Variants in ONECUT1 observed in about 807,000 individuals in gnomAD.
ONECUT1 encodes one cut homeobox 1, also known as hepatocyte nuclear factor 6.
Under a neutral mutation model 25.6 loss-of-function variants are expected in ONECUT1, and 12 were observed. That is an observed-to-expected ratio of 0.47 (90% CI 0.30 to 0.76). The LOEUF (loss-of-function observed/expected upper bound fraction) is 0.76. ONECUT1 is among the 30% of genes least tolerant of loss of function. The pLI, the probability that ONECUT1 is intolerant of heterozygous loss-of-function variation, is 0.07. For synonymous variants in ONECUT1, 285 were observed against 270.2 expected (o/e 1.05, Z -0.54); for missense variants, 620 against 651.2 (o/e 0.95, Z 0.52).
In ONECUT1 at chr15:52,789,623, T is replaced by G; in HGVS notation, c.262A>C (p.Thr88Pro). Residue 88 changes from threonine to proline, a missense_variant, in exon 1 of 2, where the codon ACC becomes CCC. Coordinates refer to ENST00000305901, the MANE Select transcript of ONECUT1 (RefSeq NM_004498.4). The surrounding 1 kb of genome is among the most constrained non-coding windows in gnomAD (Gnocchi z 4.1). ...CCTGGGGGAGTCTCGCAGGCCATGGTCATGGTGGGATGCAGGGGGCCGGCC... is the reference window on the plus strand; with the variant it reads ...CCTGGGGGAGTCTCGCAGGCCATGGGCATGGTGGGATGCAGGGGGCCGGCC... ...SLAGPLHPTM[T>P]MACETPPGMS... The G allele has an allele frequency of 6.4e-7, 1 of 1,561,906 alleles. No individual in the cohort carries two copies. Among genetic ancestry groups the G allele is most frequent in the Non-Finnish European group, 8.7e-7 (1 of 1,152,672 alleles).
In ONECUT1 at chr15:52,755,818, C is replaced by A. The variant is rs1028221868; in HGVS notation, c.*1737G>T. On this transcript the variant is annotated 3_prime_UTR_variant, in exon 2 of 2. Transcript: ENST00000305901. ...TCCACTTAGATAAGTTACAGTCCAA[C>A]TGAATTCAGAGAGAATTTTTCTGGG... 3.3e-5 allele frequency among the ~76,000 whole-genome samples: 5 copies of A among 152,282 alleles called. No homozygotes were observed. The highest frequency in any genetic ancestry group is 1.2e-4 in the African/African-American group (5 of 41,558).
Position 52,788,692 on chromosome 15 carries a change from C to T in ONECUT1, c.1105+88G>A, listed in dbSNP as rs1395394692. The T allele has an allele frequency of 7.0e-7, 1 of 1,427,064 alleles. No individual in the cohort carries two copies. Among genetic ancestry groups the T allele is most frequent in the South Asian group, 1.3e-5 (1 of 77,234 alleles). The allele number at this position is 1,427,064 out of a possible 1,614,324, so 88.4% of individuals were successfully genotyped here. On this transcript the variant is annotated intron_variant, in intron 1 of 1. Transcript: ENST00000305901. This position sits in a 1 kb window ranked among gnomAD's most constrained non-coding sequence, Gnocchi z 4.3. ...TAGGGGCGGGCGGGATGAAGCGCAC[C>T]CAGCCCTCTCTCCTACCCTTCCTCC... is the stretch of plus-strand genomic sequence containing the variant.
chr15:52,780,928 T>C lies in ONECUT1; in HGVS notation c.1105+7852A>G, dbSNP rs529916812. ...AGGAAGATGAGAAACACATGGTGAC[T>C]GGAAACATGCAGTGTTTGACAGAAA... On this transcript the variant is annotated intron_variant, in intron 1 of 1. Transcript: ENST00000305901. The C allele has an allele frequency of 3.2e-6, 4 of 1,250,690 alleles. No individual in the cohort carries two copies. In the South Asian group the frequency reaches 1.0e-4, roughly 31 times the overall value. 77.5% of individuals were successfully genotyped at this position (1,250,690 alleles called of 1,614,324 possible).
At chr15:52,776,451 A>G (rs557317050) in intron 1 of ONECUT1, among the ~76,000 whole-genome samples, 20 of 152,272 alleles carry the variant, frequency 1.3e-4, no homozygotes, top group African/African-American at 4.8e-4. Flanking sequence ...TTTGCTGACA[A>G]TGACATATAA....
chr15:52,789,693 G>A lies in ONECUT1; in HGVS notation c.192C>T (p.Gly64=), dbSNP rs748705076. The change falls in exon 1 of 2, where the codon GGC becomes GGT. Residue 64 remains glycine, a synonymous_variant. Coordinates refer to ENST00000305901, the MANE Select transcript of ONECUT1 (RefSeq NM_004498.4). The surrounding 1 kb of genome is among the most constrained non-coding windows in gnomAD (Gnocchi z 4.1). ...GGTGGTGGTGGTGGTAATCTCCGCC[G>A]CCGCTGCCGCCGTCCAGCAGGGACG... ...GMASLLDGGS[G]GGDYHHHHRA... The A allele has an allele frequency of 5.4e-6, 8 of 1,494,166 alleles. No homozygotes were observed. Among genetic ancestry groups the A allele is most frequent in the South Asian group, 1.4e-5 (1 of 73,980 alleles). The allele number at this position is 1,494,166 out of a possible 1,614,324, so 92.6% of individuals were successfully genotyped here. A position where few individuals can be genotyped will look rare whatever the true frequency, so the allele number is the denominator to read the frequency against.
At chr15:52,780,461 G>T in intron 1 of ONECUT1, 2 of 805,664 alleles carry the variant, frequency 2.5e-6, no homozygotes, top group South Asian at 2.0e-5. Context: ...CTTTCTTTCT[G>T]AGTCCTTAGT....
At position 52,788,989 on chromosome 15, in the gene ONECUT1, T is replaced by C. The variant is rs1196218167; in HGVS notation, c.896A>G (p.Gln299Arg). 1.9e-6 allele frequency: 3 copies of C among 1,611,868 alleles called. No individual in the cohort carries two copies. The highest frequency in any genetic ancestry group is 2.5e-6 in the Non-Finnish European group (3 of 1,180,024). The part of the protein sequence containing the change: ...MEEINTKEVA[Q>R]RITTELKRYS... The stretch of plus-strand genomic sequence containing the variant: ...GCGCTTGAGCTCGGTGGTGATACGC[T>C]GCGCCACCTCTTTGGTATTGATCTC... The change falls in exon 1 of 2, where the codon CAG becomes CGG. Residue 299 changes from glutamine to arginine, a missense_variant. Around this residue, in one of 4 missense-constraint regions of ONECUT1, gnomAD observed 146 missense variants for 201.8 expected, o/e 0.72. Coordinates refer to ENST00000305901, the MANE Select transcript of ONECUT1 (RefSeq NM_004498.4). The surrounding 1 kb of genome is among the most constrained non-coding windows in gnomAD (Gnocchi z 4.3).
chr15:52,786,141 C>T (rs2083873608), intron 1 of ONECUT1, among the ~76,000 whole-genome samples: 2 of 152,226 alleles, frequency 1.3e-5, no homozygotes, highest in South Asian at 4.1e-4. Context: ...GGCCAAGGCG[C>T]TCTGCAATCC....
intron 1 of ONECUT1, among the ~76,000 whole-genome samples, chr15:52,775,845 T>C (rs1384125626): frequency 6.6e-6 from 1 of 152,232 alleles, no homozygotes; most frequent in Non-Finnish European, 1.5e-5. Flanking sequence ...ACCAAGACTT[T>C]CCAACATTTG....
At chr15:52,777,677 T>G (rs17543338) in intron 1 of ONECUT1, among the ~76,000 whole-genome samples, 13,604 of 140,954 alleles carry the variant, frequency 0.097, 726 homozygotes, top group Non-Finnish European at 0.12. Flanking sequence ...CATCACACCT[T>G]AAACTCCTCC....
At chr15:52,778,854 G>A (rs2083821085) in intron 1 of ONECUT1, among the ~76,000 whole-genome samples, 1 of 152,186 alleles carries the variant, frequency 6.6e-6, no homozygotes, top group African/African-American at 2.4e-5. Flanking sequence ...ACACCTGGAA[G>A]GGACCCTAAA....
chr15:52,761,497 C>G (rs150835033), intron 1 of ONECUT1, among the ~76,000 whole-genome samples: 1 of 152,090 alleles, frequency 6.6e-6, no homozygotes, highest in Admixed American at 6.5e-5. Flanking sequence ...ATGGTGAAAC[C>G]CTGTCTCTAC....
chr15:52,761,106 A>T (rs1274571077), intron 1 of ONECUT1, among the ~76,000 whole-genome samples: 4 of 151,942 alleles, frequency 2.6e-5, no homozygotes, highest in Non-Finnish European at 4.4e-5. Flanking sequence ...GGAGAGTGGA[A>T]ATGTGTTGGT....
intron 1 of ONECUT1, among the ~76,000 whole-genome samples, chr15:52,772,519 A>G (rs1407267360): frequency 6.6e-6 from 1 of 152,154 alleles, no homozygotes; most frequent in African/African-American, 2.4e-5. Context: ...AGATCAGAGT[A>G]ATGGCTGTGA....
chr15:52,777,913 A>G (rs1448244924), intron 1 of ONECUT1, among the ~76,000 whole-genome samples: 1 of 152,054 alleles, frequency 6.6e-6, no homozygotes, highest in Non-Finnish European at 1.5e-5. Flanking sequence ...TCTTTTACTT[A>G]TTTTATCCTC....
At position 52,757,338 on chromosome 15, in the gene ONECUT1, A is replaced by T. The variant is rs1270732598; in HGVS notation, c.*217T>A. ...ATCCAGTGGTGTTTTCCTGCTCATC[A>T]TTTGTCTTGCCAAGTCGCCGCCCTG... On this transcript the variant is annotated 3_prime_UTR_variant, in exon 2 of 2. Transcript: ENST00000305901. 13 of 540,720 alleles carry T rather than the reference A, an allele frequency of 2.4e-5. No homozygotes were observed. In the East Asian group the frequency reaches 4.1e-4, roughly 17 times the overall value. 33.5% of individuals were successfully genotyped at this position (540,720 alleles called of 1,614,324 possible). A position where few individuals can be genotyped will look rare whatever the true frequency, so the allele number is the denominator to read the frequency against.
In ONECUT1 at chr15:52,784,122, C is replaced by A. The variant is rs1490166107; in HGVS notation, c.1105+4658G>T. On this transcript the variant is annotated intron_variant, in intron 1 of 1. Transcript: ENST00000305901. This position sits in a 1 kb window ranked among gnomAD's most constrained non-coding sequence, Gnocchi z 5.0. ...GCGCCGCAGCCGCAGCACAGCCCGGCTACCCCCAGAAAGGGAGCCGAATGG... is the reference window on the plus strand; with the variant it reads ...GCGCCGCAGCCGCAGCACAGCCCGGATACCCCCAGAAAGGGAGCCGAATGG... Among the ~76,000 whole-genome samples the A allele has an allele frequency of 6.6e-6, 1 of 152,154 alleles. No individual in the cohort carries two copies. Among genetic ancestry groups the A allele is most frequent in the Non-Finnish European group, 1.5e-5 (1 of 68,018 alleles).
intron 1 of ONECUT1, among the ~76,000 whole-genome samples, chr15:52,776,309 C>T (rs1899750): frequency 0.61 from 93,454 of 151,986 alleles, 28,761 homozygotes; most frequent in East Asian, 0.66. Flanking sequence ...CACTCTGCAG[C>T]TAAAGGTATA....
chr15:52,768,985 C>G (rs937717953), intron 1 of ONECUT1, among the ~76,000 whole-genome samples: 1 of 152,188 alleles, frequency 6.6e-6, no homozygotes, highest in South Asian at 2.1e-4. Context: ...CCACTCAATA[C>G]CAATCATTCC....
Sources: gnomAD v4.1 joint callset for allele counts (sites outside exome capture counted in the v4.1 genomes callset) on GRCh38, gnomAD v4.1.1 for gene constraint, gnomAD v4.1.1 regional missense constraint, Gnocchi (gnomAD v3.1) non-coding constraint, MANE v1.5 for transcripts, NCBI Gene and HGNC (gene_info 2026-07-23, HGNC 2026-07-21) for gene names.